NF2: variants seen among roughly 807,000 people sequenced by gnomAD.
The protein encoded by NF2 is NF2, moesin-ezrin-radixin like (MERLIN) tumor suppressor.
A neutral mutation model predicts 83.7 loss-of-function variants in NF2; 8 were observed. That is an observed-to-expected ratio of 0.10 (90% CI 0.06 to 0.17). The LOEUF (loss-of-function observed/expected upper bound fraction) is 0.17, where lower values mean the gene tolerates loss of function less well. Ranked by LOEUF, NF2 falls within the 10% of genes least tolerant of loss-of-function variation. NF2 has a pLI of 1.00. For synonymous variants in NF2, 266 were observed against 269.6 expected (o/e 0.99, Z 0.13); for missense variants, 533 against 744.4 (o/e 0.72, Z 3.31).
intron 1 of NF2, among the ~76,000 whole-genome samples, chr22:29,632,918 G>A (rs1306083876): frequency 1.3e-5 from 2 of 152,158 alleles, no homozygotes; most frequent in Non-Finnish European, 2.9e-5. Context: ...AGATGAGCTT[G>A]GTCATATTCT....
chr22:29,662,914 A>C (rs2066518489), intron 8 of NF2, among the ~76,000 whole-genome samples: 1 of 152,194 alleles, frequency 6.6e-6, no homozygotes, highest in Non-Finnish European at 1.5e-5. Context: ...AAGAACAGGA[A>C]CAGCTTATGT....
intron 1 of NF2, among the ~76,000 whole-genome samples, chr22:29,630,552 G>A (rs2065481195): frequency 6.6e-6 from 1 of 152,242 alleles, no homozygotes; most frequent in South Asian, 2.1e-4. Flanking sequence ...CCTCCTATTA[G>A]TCTCTATGCC....
At chr22:29,620,092 C>T (rs1601547407) in intron 1 of NF2, among the ~76,000 whole-genome samples, 1 of 151,956 alleles carries the variant, frequency 6.6e-6, no homozygotes, top group East Asian at 1.9e-4. Context: ...AATCCTGTCT[C>T]TACTGAAAAC....
rs2146851071 is a variant in NF2 at position 29,636,732 on chromosome 22, C to G, written c.115-19C>G. ...GATTTTTGCTCACAGTGTCCTTCCC[C>G]ATTGGTTTGTTATTGCAGATGAAGT... is the stretch of plus-strand genomic sequence containing the variant. On this transcript the variant is annotated intron_variant, in intron 1 of 15. Transcript: ENST00000338641. The surrounding 1 kb of genome is among the most constrained non-coding windows in gnomAD (Gnocchi z 4.4). 1.2e-6 allele frequency: 2 copies of G among 1,614,122 alleles called. No individual in the cohort carries two copies. The highest frequency in any genetic ancestry group is 1.7e-6 in the Non-Finnish European group (2 of 1,180,002).
rs935601573 is a variant in NF2, at chr22:29,603,996, G to T, written c.-3G>T. On this transcript the variant is annotated 5_prime_UTR_variant, in exon 1 of 16. Coordinates refer to ENST00000338641, the MANE Select transcript of NF2 (RefSeq NM_000268.4). ...CGAGGGTCCCGGGCCTGAGCCCCGC[G>T]CCATGGCCGGGGCCATCGCTTCCCG... The T allele has an allele frequency of 1.9e-6, 3 of 1,575,536 alleles. No homozygotes were observed. The South Asian group carries it at 3.5e-5, about 18-fold the overall frequency.
At chr22:29,624,863 TTCTTTC>T (rs1471924278) in intron 1 of NF2, among the ~76,000 whole-genome samples, 9 of 123,536 alleles carry the variant, frequency 7.3e-5, no homozygotes, top group Non-Finnish European at 1.6e-4. Flanking sequence ...CTTTCTTTCT[TTCTTTC>T]TCTTTCTCTC....
At chr22:29,655,173 GA>G (rs2066263474) in intron 5 of NF2, among the ~76,000 whole-genome samples, 1 of 152,142 alleles carries the variant, frequency 6.6e-6, no homozygotes, top group African/African-American at 2.4e-5. Flanking sequence ...TGCTCCTGCC[GA>G]TTTTACAGCC....
intron 1 of NF2, among the ~76,000 whole-genome samples, chr22:29,618,877 C>G (rs1050813487): frequency 9.2e-5 from 14 of 152,246 alleles, no homozygotes; most frequent in African/African-American, 3.4e-4. Flanking sequence ...ACAGATAGAA[C>G]AATTCTGGCA....
chr22:29,644,419 C>A (rs35022623), intron 4 of NF2, among the ~76,000 whole-genome samples: 22 of 148,798 alleles, frequency 1.5e-4, no homozygotes, highest in Non-Finnish European at 1.5e-5. Context: ...TGGGCAGAGA[C>A]GCTCCTCACT....
At chr22:29,668,976 G>C (rs2066706682) in intron 10 of NF2, among the ~76,000 whole-genome samples, 1 of 152,232 alleles carries the variant, frequency 6.6e-6, no homozygotes, top group Non-Finnish European at 1.5e-5. Flanking sequence ...CTGCATCATT[G>C]TTTTCTACTC....
Position 29,671,478 on chromosome 22 carries a change from G to A in NF2, c.1000-348G>A, listed in dbSNP as rs1332032539. ...TGGGAGGCGGAGGTTGCAGTGAGCC[G>A]AGATCGCGCCACTGCACTCCAGCCT... is the stretch of plus-strand genomic sequence containing the variant. On this transcript the variant is annotated intron_variant, in intron 10 of 15. Coordinates refer to ENST00000338641, the MANE Select transcript of NF2 (RefSeq NM_000268.4). 3.9e-5 allele frequency among the ~76,000 whole-genome samples: 6 copies of A among 152,190 alleles called. No individual in the cohort carries two copies. In the South Asian group the frequency reaches 8.3e-4, roughly 21 times the overall value.
intron 6 of NF2, 42 bp from the exon 7 acceptor site, chr22:29,658,147 C>T (rs2146988470): frequency 6.3e-7 from 1 of 1,589,704 alleles, no homozygotes; most frequent in African/African-American, 1.3e-5. Context: ...CTCCACCCAT[C>T]TCACTTAGCT....
intron 13 of NF2, among the ~76,000 whole-genome samples, chr22:29,675,355 C>T (rs1047635701): frequency 6.6e-6 from 1 of 152,194 alleles, no homozygotes; most frequent in African/African-American, 2.4e-5. Context: ...GAGTGAATTA[C>T]TGCCGTGCAA....
intron 1 of NF2, among the ~76,000 whole-genome samples, chr22:29,622,953 C>CTTTTTT (rs779748755): frequency 4.2e-5 from 4 of 94,736 alleles, no homozygotes; most frequent in African/African-American, 9.5e-5. Flanking sequence ...CGTGCCCGGC[C>CTTTTTT]TTTTTTTTTT....
At chr22:29,655,998 G>A (rs1344980474) in intron 6 of NF2, among the ~76,000 whole-genome samples, 1 of 151,710 alleles carries the variant, frequency 6.6e-6, no homozygotes, top group Non-Finnish European at 1.5e-5. Flanking sequence ...AAATGCAGTG[G>A]CGCCATCTCA....
chr22:29,690,566 A>G (rs1323242170), intron 15 of NF2, among the ~76,000 whole-genome samples: 1 of 152,214 alleles, frequency 6.6e-6, no homozygotes, highest in East Asian at 1.9e-4. Context: ...GGGGGATGTG[A>G]AGATGAACAG....
chr22:29,652,890 A>G (rs140608103), intron 4 of NF2, among the ~76,000 whole-genome samples: 1 of 152,264 alleles, frequency 6.6e-6, no homozygotes, highest in East Asian at 1.9e-4. Flanking sequence ...AGAAATAGAG[A>G]GATACCAAGG....
At position 29,678,830 on chromosome 22, in the gene NF2, A is replaced by G. The variant is rs111368552; in HGVS notation, c.1574+507A>G. ...AGTGGGTGGCACTGGGCAGGGCCCC[A>G]GCATGGCCTGATCATGGCAGCAATT... is the stretch of plus-strand genomic sequence containing the variant. On this transcript the variant is annotated intron_variant, in intron 14 of 15. Coordinates refer to ENST00000338641, the MANE Select transcript of NF2 (RefSeq NM_000268.4). 6.5e-3 allele frequency among the ~76,000 whole-genome samples: 998 copies of G among 152,378 alleles called. 2 individuals are homozygous for G. Among genetic ancestry groups the G allele is most frequent in the Middle Eastern group, 0.014 (4 of 294 alleles).
At chr22:29,609,734 T>A (rs1396266088) in intron 1 of NF2, among the ~76,000 whole-genome samples, 3 of 152,192 alleles carry the variant, frequency 2.0e-5, no homozygotes, top group African/African-American at 7.2e-5. Flanking sequence ...ACTGTTTTTA[T>A]TGAGAGCCTT....
Sources: allele counts gnomAD v4.1 joint callset (sites outside exome capture counted in the v4.1 genomes callset), GRCh38; gene constraint gnomAD v4.1.1; non-coding constraint Gnocchi (gnomAD v3.1); transcripts MANE v1.5; gene names NCBI Gene and HGNC (gene_info 2026-07-23, HGNC 2026-07-21).